The following PCDHA7 variants were observed in gnomAD, a reference collection of about 807,000 sequenced individuals.
The protein encoded by PCDHA7 is protocadherin alpha 7, also known as protocadherin alpha-7.
PCDHA7 carries 37 observed loss-of-function variants against 57.2 expected under a neutral mutation model. That is an observed-to-expected ratio of 0.65 (90% CI 0.50 to 0.85). The LOEUF is 0.85. PCDHA7 is among the 40% of genes least tolerant of loss of function. The probability of loss-of-function intolerance (pLI) is 0.00; values close to 1 mark genes in which losing one functional copy is unlikely to be tolerated. For synonymous variants in PCDHA7, 553 were observed against 558.8 expected, an observed-to-expected ratio of 0.99 and a Z score of 0.15; for missense variants, 1,188 against 1,241.8, an observed-to-expected ratio of 0.96 and a Z score of 0.65.
At chr5:140,931,519 A>G (rs578009368) in intron 1 of PCDHA7, among the ~76,000 whole-genome samples, 6 of 152,054 alleles carry the variant, frequency 3.9e-5, no homozygotes, top group Non-Finnish European at 8.8e-5. Flanking sequence ...TGAATGATTA[A>G]CAAAATAATA....
At chr5:140,843,392 G>A in intron 1 of PCDHA7, 1 of 1,596,106 alleles carries the variant, frequency 6.3e-7, no homozygotes, top group Non-Finnish European at 8.6e-7. Flanking sequence ...GGGTCCGGAA[G>A]CGGCGCTGGT....
intron 1 of PCDHA7, among the ~76,000 whole-genome samples, chr5:140,975,537 C>T (rs1554236874): frequency 6.6e-6 from 1 of 152,166 alleles, no homozygotes; most frequent in African/African-American, 2.4e-5. Context: ...ATTCTTAATA[C>T]AGTCCTATTA....
chr5:141,009,449 A>T, intron 3 of PCDHA7, among the ~76,000 whole-genome samples, 178 bp from the exon 4 acceptor site: 1 of 152,184 alleles, frequency 6.6e-6, no homozygotes, highest in Non-Finnish European at 1.5e-5. Context: ...GTCTCAAAAA[A>T]ATTAAACAAA....
At chr5:140,943,688 G>A (rs2093547294) in intron 1 of PCDHA7, among the ~76,000 whole-genome samples, 1 of 152,170 alleles carries the variant, frequency 6.6e-6, no homozygotes. Context: ...AAGGGATAAG[G>A]TCAAAATATT....
chr5:140,869,998 G>A (rs782322898), intron 1 of PCDHA7: 1 of 1,613,436 alleles, frequency 6.2e-7, no homozygotes. Context: ...TCAAAATAAT[G>A]GAGAAGTGAG....
At chr5:140,940,667 T>A (rs1167360120) in intron 1 of PCDHA7, among the ~76,000 whole-genome samples, 5 of 152,224 alleles carry the variant, frequency 3.3e-5, no homozygotes, top group African/African-American at 1.2e-4. Context: ...TAAATCTTCA[T>A]CTGATAATTC....
At chr5:140,866,739 C>T (rs1198771092) in intron 1 of PCDHA7, 5 of 152,124 alleles carry the variant, frequency 3.3e-5, no homozygotes, top group African/African-American at 4.8e-5. Context: ...CACTCTAATA[C>T]TTATATGACT....
chr5:140,849,276 G>A, intron 1 of PCDHA7: 1 of 1,173,354 alleles, frequency 8.5e-7, no homozygotes, highest in Admixed American at 2.6e-5. Flanking sequence ...CGGAACGCTG[G>A]TGATTCACCC....
intron 1 of PCDHA7, chr5:140,863,349 G>T: frequency 7.7e-7 from 1 of 1,302,266 alleles, no homozygotes. Flanking sequence ...TGCTGTACAC[G>T]ACGCTGCGGT....
intron 1 of PCDHA7, among the ~76,000 whole-genome samples, chr5:140,916,967 G>A (rs1215722713): frequency 2.6e-5 from 4 of 152,194 alleles, no homozygotes; most frequent in African/African-American, 9.7e-5. Context: ...TGACTGCTGG[G>A]ATGAGTGATT....
chr5:140,849,060 G>A lies in PCDHA7; in HGVS notation c.2355+12322G>A, dbSNP rs2150429705. On this transcript the variant is annotated intron_variant, in intron 1 of 3. Transcript: ENST00000525929. ...GGACGTGCCAACCAGCAACCAGCAG[G>A]TAAAACCTCTTGGACTTGTATTACG... The A allele has an allele frequency of 3.2e-6, 5 of 1,549,090 alleles. No individual in the cohort carries two copies. The South Asian group carries it at 5.6e-5, about 17-fold the overall frequency.
chr5:140,970,792 C>A (rs1554232742), intron 1 of PCDHA7, among the ~76,000 whole-genome samples: 2 of 152,036 alleles, frequency 1.3e-5, no homozygotes, highest in African/African-American at 4.8e-5. Flanking sequence ...TATGTAATAT[C>A]CATATTGTTA....
At chr5:140,882,860 A>G in intron 1 of PCDHA7, 1 of 1,614,218 alleles carries the variant, frequency 6.2e-7, no homozygotes, top group Non-Finnish European at 8.5e-7. Context: ...TGTACTGAGG[A>G]AAACACTGGA....
At chr5:140,974,808 G>A (rs1229375180) in intron 1 of PCDHA7, among the ~76,000 whole-genome samples, 1 of 152,090 alleles carries the variant, frequency 6.6e-6, no homozygotes, top group Non-Finnish European at 1.5e-5. Context: ...TATACTAGAA[G>A]ACCAATATGC....
chr5:140,893,107 G>A (rs1324641421), intron 1 of PCDHA7, among the ~76,000 whole-genome samples: 4 of 152,226 alleles, frequency 2.6e-5, no homozygotes, highest in East Asian at 1.9e-4. Flanking sequence ...ATAATATTCC[G>A]TTGTGCATAT....
At chr5:140,864,577 A>G (rs1554158987) in intron 1 of PCDHA7, 2 of 152,198 alleles carry the variant, frequency 1.3e-5, no homozygotes, top group African/African-American at 4.8e-5. Context: ...TTGTCTTCAC[A>G]ATCTTCAACT....
intron 1 of PCDHA7, among the ~76,000 whole-genome samples, chr5:140,964,926 A>G (rs2095863338): frequency 6.6e-6 from 1 of 152,212 alleles, no homozygotes; most frequent in African/African-American, 2.4e-5. Flanking sequence ...CTGGCTAGGT[A>G]GTGGAGCATT....
At chr5:140,894,140 C>T (rs1004427236) in intron 1 of PCDHA7, among the ~76,000 whole-genome samples, 2 of 151,956 alleles carry the variant, frequency 1.3e-5, no homozygotes, top group Admixed American at 6.6e-5. Context: ...GAAATAATTC[C>T]CTTCTATGTA....
At chr5:140,918,928 C>A (rs2078929450) in intron 1 of PCDHA7, among the ~76,000 whole-genome samples, 1 of 152,172 alleles carries the variant, frequency 6.6e-6, no homozygotes, top group South Asian at 2.1e-4. Context: ...CAGCATATGG[C>A]ATTTTGTTAT....
Sources: gnomAD v4.1 joint callset for allele counts (sites outside exome capture counted in the v4.1 genomes callset) on GRCh38, gnomAD v4.1.1 for gene constraint, MANE v1.5 for transcripts, NCBI Gene and HGNC (gene_info 2026-07-23, HGNC 2026-07-21) for gene names.